The following TMEM232 variants were observed in gnomAD, a reference collection of about 807,000 sequenced individuals.
TMEM232 encodes transmembrane protein 232.
A neutral mutation model predicts 78.8 loss-of-function variants in TMEM232; 80 were observed. The ratio of observed to expected loss-of-function variants is 1.01; its 90% CI spans 0.85 to 1.22. TMEM232 has a LOEUF of 1.22. TMEM232 is among the 50% of genes most tolerant of loss of function. TMEM232 has a pLI of 0.00. For synonymous variants in TMEM232, 297 were observed against 254.3 expected, an observed-to-expected ratio of 1.17 and a Z score of -1.60; for missense variants, 881 against 742.2, an observed-to-expected ratio of 1.19 and a Z score of -2.17.
chr5:110,548,686 A>T (rs971995233), intron 11 of TMEM232, among the ~76,000 whole-genome samples: 3 of 152,062 alleles, frequency 2.0e-5, no homozygotes, highest in African/African-American at 7.2e-5. Flanking sequence ...AGTGACAGTA[A>T]ATGTAAATAA....
At position 110,642,384 on chromosome 5, in the gene TMEM232, T is replaced by A. The variant is rs995275553; in HGVS notation, c.126-13A>T. The A allele has an allele frequency of 6.8e-7, 1 of 1,480,208 alleles. No homozygotes were observed. The highest frequency in any genetic ancestry group is 1.5e-5 in the African/African-American group (1 of 68,668). 91.7% of individuals were successfully genotyped at this position (1,480,208 alleles called of 1,614,324 possible). On this transcript the variant is annotated splice_polypyrimidine_tract_variant and intron_variant, in intron 2 of 13. Transcript: ENST00000455884. ...TGAAAATGTTGGCCTAAATAAAACATTGAAAAATTAACATTTAAAAAGTAT... is the reference window on the plus strand; with the variant it reads ...TGAAAATGTTGGCCTAAATAAAACAATGAAAAATTAACATTTAAAAAGTAT...
chr5:110,597,623 G>C (rs1346479579), intron 10 of TMEM232, among the ~76,000 whole-genome samples: 5 of 151,468 alleles, frequency 3.3e-5, no homozygotes, highest in Admixed American at 2.6e-4. Flanking sequence ...ATACTACAAG[G>C]CTACAGTAAC....
intron 7 of TMEM232, among the ~76,000 whole-genome samples, chr5:110,622,810 G>A (rs1178472246): frequency 6.6e-6 from 1 of 150,464 alleles, no homozygotes; most frequent in Non-Finnish European, 1.5e-5. Flanking sequence ...CATGGACACA[G>A]GAAGGGGAAC....
At chr5:110,617,409 G>GCTAATAGAATTGC (rs1561394045) in intron 8 of TMEM232, among the ~76,000 whole-genome samples, 1 of 152,096 alleles carries the variant, frequency 6.6e-6, no homozygotes, top group African/African-American at 2.4e-5. Flanking sequence ...TGCTAATAGA[G>GCTAATAGAATTGC]TAAATTTTAA....
chr5:110,439,185 T>C (rs1758759649), intron 12 of TMEM232, among the ~76,000 whole-genome samples: 1 of 151,994 alleles, frequency 6.6e-6, no homozygotes. Context: ...AAAGCACAAA[T>C]ATTTACAAGA....
At chr5:110,688,348 G>C (rs551783770) in intron 1 of TMEM232, among the ~76,000 whole-genome samples, 1 of 152,284 alleles carries the variant, frequency 6.6e-6, no homozygotes, top group Non-Finnish European at 1.5e-5. Context: ...AAAAAGCTAA[G>C]CTTGTTGAAG....
chr5:110,570,218 A>G (rs1428824537), intron 10 of TMEM232, among the ~76,000 whole-genome samples: 1 of 152,086 alleles, frequency 6.6e-6, no homozygotes, highest in African/African-American at 2.4e-5. Flanking sequence ...AACTTTACTA[A>G]TTTAAATTGA....
At chr5:110,698,505 T>C (rs955903656) in intron 1 of TMEM232, among the ~76,000 whole-genome samples, 1 of 152,058 alleles carries the variant, frequency 6.6e-6, no homozygotes, top group South Asian at 2.1e-4. Context: ...ACAGATGGCA[T>C]AGTCGGCAGA....
intron 2 of TMEM232, among the ~76,000 whole-genome samples, chr5:110,412,891 T>A (rs1756050197): frequency 6.6e-6 from 1 of 152,204 alleles, no homozygotes; most frequent in African/African-American, 2.4e-5. Flanking sequence ...AAAAAAGTTT[T>A]AAAACATAAG....
intron 1 of TMEM232, among the ~76,000 whole-genome samples, chr5:110,676,688 T>C (rs879403377): frequency 1.3e-5 from 2 of 151,852 alleles, no homozygotes; most frequent in Non-Finnish European, 2.9e-5. Context: ...CCTCTGAAAG[T>C]GCTAGGATTA....
chr5:110,482,018 A>G (rs191541184), intron 12 of TMEM232, among the ~76,000 whole-genome samples: 2 of 152,112 alleles, frequency 1.3e-5, no homozygotes, highest in African/African-American at 4.8e-5. Context: ...CAAACTAAAA[A>G]TTTTTTTAAT....
chr5:110,658,400 C>A (rs1561467605), intron 2 of TMEM232, among the ~76,000 whole-genome samples: 1 of 152,152 alleles, frequency 6.6e-6, no homozygotes, highest in South Asian at 2.1e-4. Context: ...AAATGGAATA[C>A]CGTCTTAAGC....
rs1441317726 is a variant in TMEM232 at position 110,638,288 on chromosome 5, T to C, written c.411A>G (p.Leu137=). 1 of 1,550,926 alleles carries C rather than the reference T, an allele frequency of 6.4e-7. No homozygotes were observed. ...ASFDYDHLPA[L]FFVAESVLYR... is the part of the protein sequence containing the mutation. ...ATAAAACCGATTCCGCAACAAAAAATAAGGCAGGCAGATGATCATAATCAA... is the reference window on the plus strand; with the variant it reads ...ATAAAACCGATTCCGCAACAAAAAACAAGGCAGGCAGATGATCATAATCAA... Residue 137 remains leucine, a synonymous_variant, in exon 5 of 14, where the codon TTA becomes TTG. Transcript: ENST00000455884.
In TMEM232 at chr5:110,489,844, G is replaced by A. The variant is rs148336400; in HGVS notation, c.1703+38744C>T. 7.2e-5 allele frequency among the ~76,000 whole-genome samples: 11 copies of A among 152,080 alleles called. No homozygotes were observed. The East Asian group carries it at 2.1e-3, about 29-fold the overall frequency. Reference sequence around the variant, plus strand: ...TCAATATATACAACTTAATTGTATTGGCTGGGTTCTGTGGCTCATGCCTGT... The same window carrying A: ...TCAATATATACAACTTAATTGTATTAGCTGGGTTCTGTGGCTCATGCCTGT... On this transcript the variant is annotated intron_variant, in intron 12 of 13. Coordinates refer to ENST00000455884, the MANE Select transcript of TMEM232 (RefSeq NM_001039763.4).
chr5:110,445,198 CCTGT>C (rs1447086998), intron 12 of TMEM232, among the ~76,000 whole-genome samples: 1 of 151,414 alleles, frequency 6.6e-6, no homozygotes, highest in Non-Finnish European at 1.5e-5. Context: ...CATTTGGATC[CCTGT>C]CTATTATGTT....
chr5:110,556,384 T>C (rs1275744090), intron 11 of TMEM232, among the ~76,000 whole-genome samples: 1 of 151,032 alleles, frequency 6.6e-6, no homozygotes, highest in African/African-American at 2.4e-5. Context: ...TTCCTTTCTT[T>C]CTTTCCTTCT....
chr5:110,529,599 T>C (rs1771130241), intron 11 of TMEM232, among the ~76,000 whole-genome samples: 1 of 152,160 alleles, frequency 6.6e-6, no homozygotes, highest in Admixed American at 6.5e-5. Context: ...AAATAAGAGC[T>C]TTGTATTTAG....
At chr5:110,567,400 C>T (rs1199119527) in intron 11 of TMEM232, among the ~76,000 whole-genome samples, 1 of 151,286 alleles carries the variant, frequency 6.6e-6, no homozygotes, top group Non-Finnish European at 1.5e-5. Context: ...GTTAATTCAA[C>T]CTATATTTAT....
At chr5:110,690,140 T>C (rs1561520142) in intron 1 of TMEM232, among the ~76,000 whole-genome samples, 1 of 152,068 alleles carries the variant, frequency 6.6e-6, no homozygotes, top group Non-Finnish European at 1.5e-5. Context: ...ACAAATGGGA[T>C]CTAATTAAAC....
Sources: gnomAD v4.1 joint callset for allele counts (sites outside exome capture counted in the v4.1 genomes callset) on GRCh38, gnomAD v4.1.1 for gene constraint, MANE v1.5 for transcripts, NCBI Gene and HGNC (gene_info 2026-07-23, HGNC 2026-07-21) for gene names.